The following RAB11FIP5 variants were observed in gnomAD, a reference collection of about 807,000 sequenced individuals.
RAB11FIP5 encodes RAB11 family interacting protein 5, also known as rab11 family-interacting protein 5.
A neutral mutation model predicts 85.1 loss-of-function variants in RAB11FIP5; 48 were observed. The ratio of observed to expected loss-of-function variants is 0.56; its 90% confidence interval spans 0.45 to 0.72. The LOEUF is 0.72. Among genes scored for constraint, RAB11FIP5 ranks in the 30% least tolerant of loss-of-function variants. RAB11FIP5 has a pLI of 0.00. For synonymous variants in RAB11FIP5, 729 were observed against 727.3 expected (o/e 1.00, Z -0.04); for missense variants, 1,491 against 1,687.0 (o/e 0.88, Z 2.04).
intron 3 of RAB11FIP5, among the ~76,000 whole-genome samples, chr2:73,085,781 T>C (rs57471178): frequency 0.064 from 9,775 of 152,276 alleles, 859 homozygotes; most frequent in African/African-American, 0.2. Context: ...CGGGCCTCTC[T>C]GTGGGGCATC....
intron 1 of RAB11FIP5, among the ~76,000 whole-genome samples, chr2:73,105,175 T>C (rs1172744472): frequency 1.3e-5 from 2 of 152,056 alleles, no homozygotes; most frequent in Non-Finnish European, 2.9e-5. Flanking sequence ...AAGGAGCAAA[T>C]CTCCCCAGGG....
In RAB11FIP5 at chr2:73,081,160, G is replaced by T; in HGVS notation, c.2072C>A (p.Ala691Glu). ...CTCTCCCTGGGGCTCAGCTGCCTTC[G>T]CAGTCATGGCCCCAGGGCCTGGGTC... Reference protein sequence around the residue: ...LQDPGPGAMTAKAAEPQGEPG... With the variant: ...LQDPGPGAMTEKAAEPQGEPG... Residue 691 changes from alanine (A) to glutamate (E), a missense_variant, in exon 4 of 6, where the codon GCG (alanine) becomes GAG (glutamate). Coordinates refer to ENST00000486777, the MANE Select transcript of RAB11FIP5 (RefSeq NM_001371272.1). This position sits in a 1 kb window ranked among gnomAD's most constrained non-coding sequence, Gnocchi z 4.2. The T allele has an allele frequency of 8.1e-7, 1 of 1,232,786 alleles. No individual in the cohort carries two copies. Among genetic ancestry groups the T allele is most frequent in the South Asian group, 4.1e-5 (1 of 24,340 alleles). 76.4% of individuals were successfully genotyped at this position (1,232,786 alleles called of 1,614,324 possible). A position where few individuals can be genotyped will look rare whatever the true frequency, so the allele number is the denominator to read the frequency against.
rs769351049 is a variant in RAB11FIP5 at position 73,112,381 on chromosome 2, C to T, written c.397G>A (p.Glu133Lys). The T allele has an allele frequency of 8.7e-6, 14 of 1,600,610 alleles. No individual in the cohort carries two copies. In the South Asian group the frequency reaches 1.4e-4, roughly 16 times the overall value. The part of the protein sequence containing the change: ...FLGQATVALD[E>K]VFGAGRAQHT... ...TGGGCGCGGCCTGCGCCGAAGACCT[C>T]GTCCAGCGCCACCGTGGCCTGGCCC... is the stretch of plus-strand genomic sequence containing the variant. Residue 133 changes from glutamate (E) to lysine (K), a missense_variant, in exon 1 of 6, where the codon GAG (glutamate) becomes AAG (lysine). This residue lies in a region of RAB11FIP5 where 1,211 missense variants were observed against 1,338.0 expected (regional missense o/e 0.91). Transcript: ENST00000486777.
chr2:73,107,657 C>T (rs560728752), intron 1 of RAB11FIP5, among the ~76,000 whole-genome samples: 3 of 152,200 alleles, frequency 2.0e-5, no homozygotes, highest in Admixed American at 6.5e-5. Flanking sequence ...CACCCCAAGA[C>T]GCTGCTGCTC....
chr2:73,095,624 G>A (rs1041929669), intron 1 of RAB11FIP5, among the ~76,000 whole-genome samples: 6 of 152,228 alleles, frequency 3.9e-5, no homozygotes, highest in African/African-American at 1.2e-4. Flanking sequence ...TTTTACAGAT[G>A]AGGAAACTAA....
Position 73,112,758 on chromosome 2 carries a change from G to A in RAB11FIP5, c.20C>T (p.Ala7Val). ...GCGGGAAGGCCCCGCCGCCGGCTCCGCGCCCCGCACCAGGGCCATGGCGGA... is the reference window on the plus strand; with the variant it reads ...GCGGGAAGGCCCCGCCGCCGGCTCCACGCCCCGCACCAGGGCCATGGCGGA... MALVRG[A>V]EPAAGPSRWL... Residue 7 changes from alanine to valine, a missense_variant, in exon 1 of 6, where the codon GCG (alanine) becomes GTG (valine). Transcript: ENST00000486777. 2 of 1,468,400 alleles carry A rather than the reference G, an allele frequency of 1.4e-6. No individual in the cohort carries two copies. Among genetic ancestry groups the A allele is most frequent in the South Asian group, 2.8e-5 (2 of 71,954 alleles). 91.0% of individuals were successfully genotyped at this position (1,468,400 alleles called of 1,614,324 possible).
At chr2:73,093,094 G>C (rs184042496) in intron 1 of RAB11FIP5, among the ~76,000 whole-genome samples, 111 of 152,342 alleles carry the variant, frequency 7.3e-4, no homozygotes, top group Non-Finnish European at 1.5e-5. Flanking sequence ...TATGAACACT[G>C]TCGAGGGGGG....
At chr2:73,077,038 T>C (rs943961113) in intron 4 of RAB11FIP5, among the ~76,000 whole-genome samples, 3 of 152,114 alleles carry the variant, frequency 2.0e-5, no homozygotes, top group African/African-American at 7.2e-5. Flanking sequence ...CAGCCCCTTC[T>C]CAGTCTTAAC....
rs1180048568 is a variant in RAB11FIP5 at position 73,081,147 on chromosome 2, C to T, written c.2085G>A (p.Glu695=). The T allele has an allele frequency of 2.4e-6, 3 of 1,233,310 alleles. No homozygotes were observed. Among genetic ancestry groups the T allele is most frequent in the Non-Finnish European group, 3.0e-6 (3 of 988,828 alleles). The allele number at this position is 1,233,310 out of a possible 1,614,324, so 76.4% of individuals were successfully genotyped here. A position where few individuals can be genotyped will look rare whatever the true frequency, so the allele number is the denominator to read the frequency against. ...CTCCTCCCCCAGGCTCTCCCTGGGGCTCAGCTGCCTTCGCAGTCATGGCCC... is the reference window on the plus strand; with the variant it reads ...CTCCTCCCCCAGGCTCTCCCTGGGGTTCAGCTGCCTTCGCAGTCATGGCCC... ...GPGAMTAKAA[E]PQGEPGGGGG... The change falls in exon 4 of 6, where the codon GAG becomes GAA. Residue 695 remains glutamate, a synonymous_variant. Coordinates refer to ENST00000486777, the MANE Select transcript of RAB11FIP5 (RefSeq NM_001371272.1). This position sits in a 1 kb window ranked among gnomAD's most constrained non-coding sequence, Gnocchi z 4.2.
chr2:73,080,634 T>A lies in RAB11FIP5; in HGVS notation c.2598A>T (p.Ser866=). 8.1e-7 allele frequency: 1 copy of A among 1,232,298 alleles called. No homozygotes were observed. The allele number at this position is 1,232,298 out of a possible 1,614,324, so 76.3% of individuals were successfully genotyped here. ...TCCCCTTGGGGCTCACAGTTTCTGG[T>A]GATTCAGGCTGCACCTGGGGAGCAG... ...DEPAPQVQPE[S]PETVSPKGSE... Residue 866 remains serine (S), a synonymous_variant, in exon 4 of 6, where the codon TCA becomes TCT. Transcript: ENST00000486777.
rs892134228 is a variant in RAB11FIP5, at chr2:73,080,356, T to G, written c.2876A>C (p.Glu959Ala). ...TKEEGEKRES[E>A]ESDSCSSATL... ...TGCAGAGGAGCAGCTGTCAGACTCC[T>G]CCGACTCACGCTTCTCTCCCTCCTC... Residue 959 changes from glutamate (E) to alanine (A), a missense_variant, in exon 4 of 6, where the codon GAG becomes GCG. Glu to Ala is a moderately radical substitution (Grantham distance 107). This residue lies in a region of RAB11FIP5 where 1,211 missense variants were observed against 1,338.0 expected (regional missense o/e 0.91). Coordinates refer to ENST00000486777, the MANE Select transcript of RAB11FIP5 (RefSeq NM_001371272.1). 2.4e-6 allele frequency: 3 copies of G among 1,232,696 alleles called. No individual in the cohort carries two copies. Among genetic ancestry groups the G allele is most frequent in the Admixed American group, 4.2e-5 (1 of 23,714 alleles). The allele number at this position is 1,232,696 out of a possible 1,614,324, so 76.4% of individuals were successfully genotyped here.
At position 73,080,271 on chromosome 2, in the gene RAB11FIP5, A is replaced by G; in HGVS notation, c.2961T>C (p.Ser987=). ...TGGCGGGTGCAGACAGGCAGGGCCCAGACACAGGGGGGCTGGCATCCTCCA... is the reference window on the plus strand; with the variant it reads ...TGGCGGGTGCAGACAGGCAGGGCCCGGACACAGGGGGGCTGGCATCCTCCA... ...ELVEDASPPV[S]GPCLSAPASC... is the part of the protein sequence containing the mutation. The change falls in exon 4 of 6, where the codon TCT becomes TCC. Residue 987 remains serine (S), a synonymous_variant. Transcript: ENST00000486777. 8.1e-7 allele frequency: 1 copy of G among 1,233,016 alleles called. No homozygotes were observed. The highest frequency in any genetic ancestry group is 1.0e-6 in the Non-Finnish European group (1 of 988,720). 76.4% of individuals were successfully genotyped at this position (1,233,016 alleles called of 1,614,324 possible). A position where few individuals can be genotyped will look rare whatever the true frequency, so the allele number is the denominator to read the frequency against.
chr2:73,090,142 G>A (rs569890877), intron 1 of RAB11FIP5, among the ~76,000 whole-genome samples: 2 of 152,306 alleles, frequency 1.3e-5, no homozygotes, highest in East Asian at 3.9e-4. Context: ...CAGATCAGGA[G>A]GGTGAGGCTC....
In RAB11FIP5 at chr2:73,101,386, C is replaced by T. The variant is rs942015433; in HGVS notation, c.431+10961G>A. Among the ~76,000 whole-genome samples, 6 of 152,038 alleles carry T rather than the reference C, an allele frequency of 3.9e-5. No individual in the cohort carries two copies. In the South Asian group the frequency reaches 6.2e-4, roughly 16 times the overall value. On this transcript the variant is annotated intron_variant, in intron 1 of 5. Coordinates refer to ENST00000486777, the MANE Select transcript of RAB11FIP5 (RefSeq NM_001371272.1). ...GGATCCTAACTCAACAAATCACCTA[C>T]GAAGAGGCATTTTAGATATCAAGAC...
At chr2:73,083,905 T>C (rs1299110262) in intron 3 of RAB11FIP5, among the ~76,000 whole-genome samples, 1 of 152,210 alleles carries the variant, frequency 6.6e-6, no homozygotes, top group East Asian at 1.9e-4. Flanking sequence ...CACAGTGGTC[T>C]GAAGGAAGAG....
rs560198200 is a variant in RAB11FIP5 at position 73,080,583 on chromosome 2, G to A, written c.2649C>T (p.Pro883=). 1.9e-5 allele frequency: 23 copies of A among 1,232,394 alleles called. No individual in the cohort carries two copies. The highest frequency in any genetic ancestry group is 9.5e-5 in the East Asian group (3 of 31,712). The allele number at this position is 1,232,394 out of a possible 1,614,324, so 76.3% of individuals were successfully genotyped here. A position where few individuals can be genotyped will look rare whatever the true frequency, so the allele number is the denominator to read the frequency against. ...CAGACACCCACTCGGGTTTAGGCTC[G>A]GGCTCCGGTGGGGGAAGCCCCTCGC... The part of the protein sequence containing the change: ...KGSEGLPPPE[P]EPKPEWVSDK... Residue 883 remains proline (P), a synonymous_variant, in exon 4 of 6, where the codon CCC becomes CCT. Transcript: ENST00000486777.
rs1683866977 is a variant in RAB11FIP5 at position 73,076,579 on chromosome 2, C to G, written c.3582-397G>C. 2.0e-5 allele frequency among the ~76,000 whole-genome samples: 3 copies of G among 152,172 alleles called. 1 individual carries two copies. The South Asian group carries it at 6.2e-4, about 31-fold the overall frequency. The stretch of plus-strand genomic sequence containing the variant: ...TCTCTAGTGCGGTGACCAACCCTCC[C>G]AAGTTCCCAGTTTTCCCAGGACTGT... On this transcript the variant is annotated intron_variant, in intron 4 of 5. Coordinates refer to ENST00000486777, the MANE Select transcript of RAB11FIP5 (RefSeq NM_001371272.1).
chr2:73,082,153 A>G (rs1683997220), intron 3 of RAB11FIP5, among the ~76,000 whole-genome samples: 1 of 149,406 alleles, frequency 6.7e-6, no homozygotes, highest in South Asian at 2.1e-4. Context: ...CTTGTGCCTC[A>G]GTGTGTGCCA....
In RAB11FIP5 at chr2:73,088,460, G is replaced by A; in HGVS notation, c.1158C>T (p.Thr386=). The change falls in exon 3 of 6, where the codon ACC becomes ACT. Residue 386 remains threonine (T), a synonymous_variant. Coordinates refer to ENST00000486777, the MANE Select transcript of RAB11FIP5 (RefSeq NM_001371272.1). ...SEEGPRSTDD[T]WPRGSRSNSS... ...TGTTGCTACGACTGCCTCTGGGCCA[G>A]GTGTCATCTGTGGAACGAGGCCCCT... is the stretch of plus-strand genomic sequence containing the variant. The A allele has an allele frequency of 6.2e-7, 1 of 1,613,982 alleles. No individual in the cohort carries two copies. The highest frequency in any genetic ancestry group is 8.5e-7 in the Non-Finnish European group (1 of 1,180,052).
Sources: allele counts gnomAD v4.1 joint callset (sites outside exome capture counted in the v4.1 genomes callset), GRCh38; gene constraint gnomAD v4.1.1; regional missense constraint gnomAD v4.1.1; non-coding constraint Gnocchi (gnomAD v3.1); transcripts MANE v1.5; gene names NCBI Gene and HGNC (gene_info 2026-07-23, HGNC 2026-07-21).